Variants in CDH8 observed in about 807,000 individuals in gnomAD.
The protein encoded by CDH8 is cadherin-8.
CDH8 carries 17 observed loss-of-function variants against 68.1 expected under a neutral mutation model. The ratio of observed to expected loss-of-function variants is 0.25; its 90% confidence interval spans 0.17 to 0.37. The LOEUF (loss-of-function observed/expected upper bound fraction) is 0.37, where lower values mean the gene tolerates loss of function less well. CDH8 is among the 10% of genes least tolerant of loss of function. The pLI, the probability that CDH8 is intolerant of heterozygous loss-of-function variation, is 1.00. For synonymous variants in CDH8, 372 were observed against 365.1 expected (o/e 1.02, Z -0.21); for missense variants, 763 against 999.3 (o/e 0.76, Z 3.19).
intron 8 of CDH8, among the ~76,000 whole-genome samples, chr16:61,780,641 T>A (rs1392286795): frequency 6.6e-6 from 1 of 152,256 alleles, no homozygotes; most frequent in Non-Finnish European, 1.5e-5. Context: ...GTTTTAAATA[T>A]TCATCTCAGA....
chr16:61,897,115 T>A (rs1023611924), intron 3 of CDH8, among the ~76,000 whole-genome samples: 4 of 149,286 alleles, frequency 2.7e-5, no homozygotes, highest in Non-Finnish European at 3.0e-5. Flanking sequence ...TACATAACTA[T>A]GAATTCTATA....
intron 2 of CDH8, among the ~76,000 whole-genome samples, chr16:62,015,018 AACAC>A (rs138124538): frequency 1.3e-5 from 2 of 150,444 alleles, no homozygotes; most frequent in Non-Finnish European, 3.0e-5. Context: ...CCCCACCACA[AACAC>A]ACACACACAC....
At chr16:61,966,597 C>G (rs572970189) in intron 2 of CDH8, among the ~76,000 whole-genome samples, 27 of 152,100 alleles carry the variant, frequency 1.8e-4, no homozygotes, top group Non-Finnish European at 5.9e-5. Flanking sequence ...GAAACACACA[C>G]AGAGTAGTTC....
intron 2 of CDH8, among the ~76,000 whole-genome samples, chr16:61,991,098 C>G (rs954995680): frequency 2.6e-5 from 4 of 152,202 alleles, no homozygotes; most frequent in African/African-American, 9.7e-5. Flanking sequence ...ACCTCTGTGA[C>G]TCCAATATCT....
intron 8 of CDH8, among the ~76,000 whole-genome samples, chr16:61,768,346 CTCTCTCTCTCTCTCT>C (rs1960661242): frequency 1.9e-5 from 2 of 107,118 alleles, no homozygotes; most frequent in African/African-American, 7.9e-5. Context: ...CTCTCTCTCT[CTCTCTCTCTCTCTCT>C]CTCTCTCCCT....
intron 2 of CDH8, among the ~76,000 whole-genome samples, chr16:61,936,893 C>T (rs1964636161): frequency 2.0e-5 from 3 of 152,286 alleles, no homozygotes; most frequent in South Asian, 4.2e-4. Flanking sequence ...TATCTTTTAT[C>T]ATATTCTTAT....
chr16:61,717,458 A>C (rs902377911), intron 9 of CDH8, among the ~76,000 whole-genome samples: 2 of 151,610 alleles, frequency 1.3e-5, no homozygotes, highest in African/African-American at 4.8e-5. Context: ...AAAATCTTTC[A>C]TTGTTTATCA....
At chr16:61,980,608 T>A (rs1451500397) in intron 2 of CDH8, among the ~76,000 whole-genome samples, 3 of 152,136 alleles carry the variant, frequency 2.0e-5, no homozygotes, top group African/African-American at 7.2e-5. Flanking sequence ...ACTATAAAGA[T>A]TTGTTGGAAT....
intron 10 of CDH8, among the ~76,000 whole-genome samples, chr16:61,684,134 G>C (rs1764199101): frequency 6.6e-6 from 1 of 151,928 alleles, no homozygotes; most frequent in African/African-American, 2.4e-5. Context: ...AAATATATGG[G>C]ATTTTGTAGC....
At chr16:61,842,998 T>C (rs968534368) in intron 4 of CDH8, among the ~76,000 whole-genome samples, 3 of 151,968 alleles carry the variant, frequency 2.0e-5, no homozygotes, top group African/African-American at 7.2e-5. Context: ...GTGTAGCAAA[T>C]GTTCAGAAAC....
At chr16:61,750,907 C>T (rs1444236299) in intron 8 of CDH8, among the ~76,000 whole-genome samples, 2 of 151,980 alleles carry the variant, frequency 1.3e-5, no homozygotes, top group African/African-American at 4.8e-5. Flanking sequence ...ATTATAATTT[C>T]TTCTTAGGAA....
chr16:61,896,800 A>T (rs887660801), intron 3 of CDH8, among the ~76,000 whole-genome samples: 4 of 152,134 alleles, frequency 2.6e-5, no homozygotes, highest in Admixed American at 6.5e-5. Context: ...AACAACAACC[A>T]ATTGTGGAAC....
At chr16:61,675,576 G>A (rs1661880598) in intron 10 of CDH8, among the ~76,000 whole-genome samples, 1 of 144,774 alleles carries the variant, frequency 6.9e-6, no homozygotes, top group Admixed American at 7.1e-5. Flanking sequence ...ATGTGCACAT[G>A]TACCCTAAAA....
At chr16:61,674,109 G>A (rs1963848379) in intron 10 of CDH8, among the ~76,000 whole-genome samples, 1 of 152,092 alleles carries the variant, frequency 6.6e-6, no homozygotes, top group Admixed American at 6.6e-5. Context: ...AAGTCATTCA[G>A]CAGAGAAACA....
At chr16:61,922,573 AAAT>A (rs1444181079) in intron 2 of CDH8, among the ~76,000 whole-genome samples, 2 of 152,156 alleles carry the variant, frequency 1.3e-5, no homozygotes, top group African/African-American at 4.8e-5. Context: ...ATTTGTATAT[AAAT>A]AATGTACATG....
In CDH8 at chr16:61,684,361, A is replaced by G. The variant is rs1029384322; in HGVS notation, c.1655-28640T>C. 2.6e-5 allele frequency among the ~76,000 whole-genome samples: 4 copies of G among 152,098 alleles called. No homozygotes were observed. The South Asian group carries it at 8.3e-4, about 32-fold the overall frequency. ...ATTCACTCTCATTCATTCATTCACC[A>G]GGTATTACTTGAGAAGAAGAACCCT... On this transcript the variant is annotated intron_variant, in intron 10 of 11. Coordinates refer to ENST00000577390, the MANE Select transcript of CDH8 (RefSeq NM_001796.5).
intron 2 of CDH8, among the ~76,000 whole-genome samples, chr16:61,961,185 C>T (rs117871187): frequency 6.6e-6 from 1 of 151,932 alleles, no homozygotes; most frequent in African/African-American, 2.4e-5. Flanking sequence ...TGTGGAGGCA[C>T]GCACATGTAG....
chr16:61,803,363 T>C (rs894110166), intron 7 of CDH8, among the ~76,000 whole-genome samples: 1 of 133,210 alleles, frequency 7.5e-6, no homozygotes. Context: ...TGCAAAATCA[T>C]GCCAAAATGT....
chr16:61,881,957 T>G (rs986811065), intron 3 of CDH8, among the ~76,000 whole-genome samples: 5 of 152,222 alleles, frequency 3.3e-5, no homozygotes, highest in African/African-American at 1.2e-4. Flanking sequence ...CCCTTTAAAT[T>G]GGCTTCTTTA....
Sources: gnomAD v4.1 joint callset for allele counts (sites outside exome capture counted in the v4.1 genomes callset) on GRCh38, gnomAD v4.1.1 for gene constraint, MANE v1.5 for transcripts, NCBI Gene and HGNC (gene_info 2026-07-23, HGNC 2026-07-21) for gene names.